CPXM2: variants seen among roughly 807,000 people sequenced by gnomAD.
CPXM2 encodes the protein inactive carboxypeptidase-like protein X2.
Under a neutral mutation model 86.1 loss-of-function variants are expected in CPXM2, and 66 were observed. The ratio of observed to expected loss-of-function variants is 0.77; its 90% CI spans 0.63 to 0.94. CPXM2 has a LOEUF of 0.94. Among genes scored for constraint, CPXM2 ranks in the 40% least tolerant of loss-of-function variants. The pLI is 0.00. For missense variants in CPXM2, 948 were observed against 1,026.3 expected, an observed-to-expected ratio of 0.92 and a Z score of 1.04; for synonymous variants, 388 against 400.2, an observed-to-expected ratio of 0.97 and a Z score of 0.36.
At chr10:123,893,811 C>T (rs1056539606), upstream of CPXM2, among the ~76,000 whole-genome samples, 3 of 152,210 alleles carry the variant, frequency 2.0e-5, no homozygotes, top group Admixed American at 6.5e-5. Flanking sequence ...AGCGTTCCAG[C>T]GAGCTGTGTG....
At chr10:123,858,037 T>C (rs112910425) in intron 3 of CPXM2, among the ~76,000 whole-genome samples, 1 of 152,172 alleles carries the variant, frequency 6.6e-6, no homozygotes, top group Non-Finnish European at 1.5e-5. Flanking sequence ...CCCGTGACAG[T>C]GCACTCTGTG....
chr10:123,866,306 G>A (rs772472355), intron 2 of CPXM2, among the ~76,000 whole-genome samples: 2 of 152,316 alleles, frequency 1.3e-5, no homozygotes, highest in Middle Eastern at 3.4e-3. Flanking sequence ...GCTCACGCCT[G>A]TAATCCCAGC....
At chr10:123,901,429 T>TTGTGTGTTTGTGTG (rs1945380047) in intron 2 of CPXM2, among the ~76,000 whole-genome samples, 1 of 138,956 alleles carries the variant, frequency 7.2e-6, no homozygotes, top group African/African-American at 2.8e-5. Flanking sequence ...CCAAGCAAGT[T>TTGTGTGTTTGTGTG]TGTGTGTGTG....
chr10:123,914,295 C>A lies in CPXM2; in HGVS notation n.174+25182G>T, dbSNP rs541773627. 4.6e-5 allele frequency among the ~76,000 whole-genome samples: 7 copies of A among 152,314 alleles called. No homozygotes were observed. The South Asian group carries it at 1.5e-3, about 32-fold the overall frequency. ...CTCCCATCTGGGATACCGGAATGCC[C>A]TGACCAGGCCTTCTCTGCCTCGTCT... On this transcript the variant is annotated intron_variant and non_coding_transcript_variant, in intron 2 of 19. Transcript: ENST00000368854.
intron 6 of CPXM2, among the ~76,000 whole-genome samples, chr10:123,796,514 C>CA (rs1422287084): frequency 6.6e-6 from 1 of 152,096 alleles, no homozygotes; most frequent in Non-Finnish European, 1.5e-5. Flanking sequence ...AAAATATGAC[C>CA]AGTGTGAGGG....
At chr10:123,871,386 T>A (rs1246044313) in intron 2 of CPXM2, among the ~76,000 whole-genome samples, 1 of 152,196 alleles carries the variant, frequency 6.6e-6, no homozygotes, top group Non-Finnish European at 1.5e-5. Flanking sequence ...AATCTCTATG[T>A]CTGCATCATC....
intron 2 of CPXM2, among the ~76,000 whole-genome samples, chr10:123,863,416 C>G (rs74162961): frequency 0.039 from 5,881 of 152,198 alleles, 245 homozygotes; most frequent in African/African-American, 0.1. Flanking sequence ...ACCGGGGGTC[C>G]CCGCATTGAG....
chr10:123,844,802 C>T (rs918347315), intron 3 of CPXM2, among the ~76,000 whole-genome samples: 1 of 152,136 alleles, frequency 6.6e-6, no homozygotes, highest in South Asian at 2.1e-4. Context: ...CAATAAGAAG[C>T]AAGCCACACA....
At chr10:123,926,033 G>A (rs1945619569) in intron 2 of CPXM2, among the ~76,000 whole-genome samples, 2 of 152,184 alleles carry the variant, frequency 1.3e-5, no homozygotes, top group African/African-American at 4.8e-5. Flanking sequence ...GACTTCCAGA[G>A]ACACATGTCC....
chr10:123,797,725 A>G (rs1035489561), intron 6 of CPXM2, among the ~76,000 whole-genome samples: 32 of 151,778 alleles, frequency 2.1e-4, no homozygotes, highest in Admixed American at 2.0e-3. Flanking sequence ...TGCCTGGGTA[A>G]TTTTTATATT....
At position 123,891,379 on chromosome 10, in the gene CPXM2, G is replaced by T; in HGVS notation, c.281C>A (p.Ser94Ter). ...KPKKAPKREKSAPEPPPPGKH... is the reference protein window; with the variant it reads ...KPKKAPKREK ...ACCTGGTGGAGGCGGCTCCGGAGCC[G>T]ACTTCTCCCTCTTGGGAGCTTTCTT... The change falls in exon 1 of 14, where the codon TCG becomes TAG. Residue 94 changes from serine to a stop codon, truncating the protein, a stop_gained. Coordinates refer to ENST00000241305, the MANE Select transcript of CPXM2 (RefSeq NM_198148.3). LOFTEE classifies it high-confidence loss of function. This position sits in a 1 kb window ranked among gnomAD's most constrained non-coding sequence, Gnocchi z 5.6. The T allele has an allele frequency of 1.3e-6, 2 of 1,561,464 alleles. No homozygotes were observed. Among genetic ancestry groups the T allele is most frequent in the Non-Finnish European group, 1.7e-6 (2 of 1,153,672 alleles).
At chr10:123,872,658 G>T (rs1227973884) in intron 2 of CPXM2, among the ~76,000 whole-genome samples, 4 of 152,152 alleles carry the variant, frequency 2.6e-5, no homozygotes, top group Admixed American at 1.3e-4. Flanking sequence ...AACATTTACA[G>T]ATCTGAGAAA....
At chr10:123,834,469 TA>T (rs559124763) in intron 4 of CPXM2, among the ~76,000 whole-genome samples, 36 of 152,286 alleles carry the variant, frequency 2.4e-4, no homozygotes, top group Admixed American at 1.0e-3. Flanking sequence ...GGCTGGGTTT[TA>T]AAAGGTGGGC....
In CPXM2 at chr10:123,816,550, C is replaced by T. The variant is rs553709015; in HGVS notation, c.654-17351G>A. Among the ~76,000 whole-genome samples, 36 of 152,364 alleles carry T rather than the reference C, an allele frequency of 2.4e-4. 1 individual carries two copies. In the South Asian group the frequency reaches 6.4e-3, roughly 27 times the overall value. ...AAGACAGATGGATCTTGGGGAATGA[C>T]AGTGGATTATCATAAGCTTAACCAA... On this transcript the variant is annotated intron_variant, in intron 4 of 13. Coordinates refer to ENST00000241305, the MANE Select transcript of CPXM2 (RefSeq NM_198148.3).
intron 6 of CPXM2, 40 bp downstream of exon 6, chr10:123,797,936 G>A: frequency 1.3e-6 from 2 of 1,515,956 alleles, no homozygotes; most frequent in Non-Finnish European, 1.8e-6. Context: ...TTTTCCATCA[G>A]TGCTCCCACC....
chr10:123,770,904 G>C lies in CPXM2; in HGVS notation c.1102+12C>G, dbSNP rs1242079843. ...ATGAAGGGGCCAAGCATCCCAGAGG[G>C]GCCCTTCTCACCGACTTCATGCTCC... On this transcript the variant is annotated intron_variant, in intron 8 of 13. Transcript: ENST00000241305. The C allele has an allele frequency of 1.2e-6, 2 of 1,610,028 alleles. No individual in the cohort carries two copies. Among genetic ancestry groups the C allele is most frequent in the Non-Finnish European group, 8.5e-7 (1 of 1,178,842 alleles).
chr10:123,927,331 G>A (rs1225176334), intron 2 of CPXM2, among the ~76,000 whole-genome samples: 1 of 152,186 alleles, frequency 6.6e-6, no homozygotes, highest in East Asian at 1.9e-4. Flanking sequence ...CATAAAGTGG[G>A]CATGATAATA....
chr10:123,838,652 C>A (rs1848323448), intron 4 of CPXM2, among the ~76,000 whole-genome samples: 1 of 152,162 alleles, frequency 6.6e-6, no homozygotes, highest in Non-Finnish European at 1.5e-5. Flanking sequence ...TCTAAAACAT[C>A]ACTAACCAAA....
At chr10:123,839,449 C>T (rs1848341444) in intron 4 of CPXM2, among the ~76,000 whole-genome samples, 1 of 152,108 alleles carries the variant, frequency 6.6e-6, no homozygotes, top group African/African-American at 2.4e-5. Flanking sequence ...CATATTGATA[C>T]CCGTTCATTA....
Sources: gnomAD v4.1 joint callset for allele counts (sites outside exome capture counted in the v4.1 genomes callset) on GRCh38, gnomAD v4.1.1 for gene constraint, Gnocchi (gnomAD v3.1) non-coding constraint, MANE v1.5 for transcripts, NCBI Gene and HGNC (gene_info 2026-07-23, HGNC 2026-07-21) for gene names.